Variants in PRIM2 observed in about 807,000 individuals in gnomAD.
PRIM2 encodes the protein DNA primase large subunit.
In PRIM2, 39 loss-of-function variants were observed where a neutral mutation model predicts 67.3. That is an observed-to-expected ratio of 0.58 (90% CI 0.45 to 0.76). PRIM2 has a LOEUF of 0.76. Among genes scored for constraint, PRIM2 ranks in the 30% least tolerant of loss-of-function variants. The probability of loss-of-function intolerance (pLI) is 0.00; values close to 1 mark genes in which losing one functional copy is unlikely to be tolerated. For synonymous variants in PRIM2, 143 were observed against 198.7 expected (o/e 0.72, Z 2.36); for missense variants, 398 against 598.7 (o/e 0.66, Z 3.50).
chr6:57,515,811 C>G (rs1287608610), intron 8 of PRIM2, among the ~76,000 whole-genome samples: 1 of 152,168 alleles, frequency 6.6e-6, no homozygotes, highest in Non-Finnish European at 1.5e-5. Context: ...CATTTATTAT[C>G]TCACAGTCTG....
intron 7 of PRIM2, among the ~76,000 whole-genome samples, chr6:57,417,251 G>A (rs1459120662): frequency 3.9e-5 from 6 of 152,148 alleles, no homozygotes; most frequent in South Asian, 2.1e-4. Flanking sequence ...ACAGGCGTGA[G>A]CCAGCATGCC....
At chr6:57,452,161 A>T (rs1298316774) in intron 7 of PRIM2, among the ~76,000 whole-genome samples, 1 of 151,802 alleles carries the variant, frequency 6.6e-6, no homozygotes, top group Non-Finnish European at 1.5e-5. Context: ...TATGTGCCAC[A>T]TTTTCTTTAT....
chr6:57,576,208 C>T (rs1775962678), intron 10 of PRIM2, among the ~76,000 whole-genome samples: 1 of 151,920 alleles, frequency 6.6e-6, no homozygotes, highest in African/African-American at 2.4e-5. Flanking sequence ...AGTTAAATTC[C>T]TATAAATAAA....
intron 7 of PRIM2, among the ~76,000 whole-genome samples, chr6:57,444,292 G>C (rs1772293205): frequency 6.6e-6 from 1 of 152,036 alleles, no homozygotes; most frequent in Non-Finnish European, 1.5e-5. Context: ...TTATAGGCTG[G>C]GCGCGGTAGC....
chr6:57,627,270 ACT>A (rs1303019255), intron 12 of PRIM2, among the ~76,000 whole-genome samples: 4 of 89,210 alleles, frequency 4.5e-5, no homozygotes, highest in East Asian at 7.5e-4. Context: ...ACAGAGTGAG[ACT>A]CTGTCTCAAA....
At chr6:57,435,344 A>G (rs1377030698) in intron 7 of PRIM2, among the ~76,000 whole-genome samples, 1 of 152,178 alleles carries the variant, frequency 6.6e-6, no homozygotes, top group Non-Finnish European at 1.5e-5. Flanking sequence ...CGGGAAGGAC[A>G]GGATGTCTGA....
At chr6:57,364,670 C>T (rs1581830737) in intron 5 of PRIM2, among the ~76,000 whole-genome samples, 1 of 151,926 alleles carries the variant, frequency 6.6e-6, no homozygotes, top group East Asian at 1.9e-4. Context: ...ATAGGGAGGG[C>T]CTCTTGCAAG....
rs1448525369 is a variant in PRIM2, at chr6:57,460,156, A to G, written c.694-47231A>G. Among the ~76,000 whole-genome samples, 101 of 134,932 alleles carry G rather than the reference A, an allele frequency of 7.5e-4. 1 individual carries two copies. Among genetic ancestry groups the G allele is most frequent in the Middle Eastern group, 3.8e-3 (1 of 260 alleles). The allele number at this position is 134,932 out of a possible 152,430, so 88.5% of individuals were successfully genotyped here. On this transcript the variant is annotated intron_variant, in intron 7 of 13. Coordinates refer to ENST00000615550, the MANE Select transcript of PRIM2 (RefSeq NM_000947.5). ...CGGTCTCCATACAGACCAGGGGTCT[A>G]TTTTTTTTTTTTTTCAAACTTGAAA...
At chr6:57,642,544 G>C (rs2127502300) in intron 13 of PRIM2, among the ~76,000 whole-genome samples, 1 of 136,954 alleles carries the variant, frequency 7.3e-6, no homozygotes, top group African/African-American at 2.7e-5. Context: ...CCGGGTTCAC[G>C]CCATTCTCCT....
At chr6:57,340,466 A>G (rs1423740960) in intron 5 of PRIM2, among the ~76,000 whole-genome samples, 2 of 152,230 alleles carry the variant, frequency 1.3e-5, no homozygotes, top group Non-Finnish European at 1.5e-5. Flanking sequence ...CAAATGTCCA[A>G]CAATGATAGA....
chr6:57,408,829 A>G (rs1465226090), intron 7 of PRIM2, among the ~76,000 whole-genome samples: 2 of 151,368 alleles, frequency 1.3e-5, no homozygotes, highest in Admixed American at 6.6e-5. Context: ...TCCTGCCTCA[A>G]CCTCCCAAGT....
chr6:57,455,151 C>T (rs1023118582), intron 7 of PRIM2, among the ~76,000 whole-genome samples: 6 of 152,194 alleles, frequency 3.9e-5, no homozygotes, highest in African/African-American at 1.4e-4. Flanking sequence ...GTCTGAGAGA[C>T]AGTTTGTTAT....
At chr6:57,323,958 G>A (rs932531872) in intron 3 of PRIM2, among the ~76,000 whole-genome samples, 1 of 151,858 alleles carries the variant, frequency 6.6e-6, no homozygotes, top group Admixed American at 6.6e-5. Flanking sequence ...GGTGGGTGTC[G>A]CTTGTAGTCC....
chr6:57,631,057 C>T (rs1777030775), intron 12 of PRIM2, among the ~76,000 whole-genome samples: 2 of 152,072 alleles, frequency 1.3e-5, no homozygotes, highest in African/African-American at 4.8e-5. Flanking sequence ...ATCTATAAGA[C>T]AATCAGAGAA....
chr6:57,327,100 C>T (rs1386243182), intron 5 of PRIM2, among the ~76,000 whole-genome samples: 1 of 151,946 alleles, frequency 6.6e-6, no homozygotes, highest in Non-Finnish European at 1.5e-5. Flanking sequence ...GTAGTTTTGC[C>T]ATGTTGGCCA....
chr6:57,259,856 C>T, the PRIM2 span, among the ~76,000 whole-genome samples: 1 of 152,158 alleles, frequency 6.6e-6, no homozygotes, highest in African/African-American at 2.4e-5. Context: ...CCAAGGGTGC[C>T]CCTATGGTCA....
intron 8 of PRIM2, among the ~76,000 whole-genome samples, chr6:57,508,402 G>A (rs1429189035): frequency 1.3e-5 from 2 of 151,754 alleles, no homozygotes; most frequent in Non-Finnish European, 2.9e-5. Context: ...ATATTTTCTT[G>A]TATATCTGTA....
At chr6:57,421,864 C>G (rs1771477084) in intron 7 of PRIM2, among the ~76,000 whole-genome samples, 1 of 152,138 alleles carries the variant, frequency 6.6e-6, no homozygotes, top group Non-Finnish European at 1.5e-5. Context: ...TAGAATTTAT[C>G]TGCTGAAAAT....
At chr6:57,454,667 TTC>T (rs1480410762) in intron 7 of PRIM2, among the ~76,000 whole-genome samples, 1 of 152,174 alleles carries the variant, frequency 6.6e-6, no homozygotes, top group Non-Finnish European at 1.5e-5. Flanking sequence ...TATTTGATTC[TTC>T]TCTCTTTTCT....
Sources: allele counts gnomAD v4.1 joint callset (sites outside exome capture counted in the v4.1 genomes callset), GRCh38; gene constraint gnomAD v4.1.1; transcripts MANE v1.5; gene names NCBI Gene and HGNC (gene_info 2026-07-23, HGNC 2026-07-21).